Variants in SPATA13 observed in about 807,000 individuals in gnomAD.
SPATA13 encodes the protein spermatogenesis associated 13.
SPATA13 carries 50 observed loss-of-function variants against 104.0 expected under a neutral mutation model. That is an observed-to-expected ratio of 0.48 (90% CI 0.38 to 0.61). The LOEUF (loss-of-function observed/expected upper bound fraction) is 0.61. SPATA13 is among the 20% of genes least tolerant of loss of function. SPATA13 has a pLI of 0.00. For synonymous variants in SPATA13, 606 were observed against 667.5 expected, an observed-to-expected ratio of 0.91 and a Z score of 1.42; for missense variants, 1,524 against 1,690.6, an observed-to-expected ratio of 0.90 and a Z score of 1.73.
At chr13:24,100,012 C>T (rs374667373) in intron 3 of SPATA13, among the ~76,000 whole-genome samples, 6 of 152,098 alleles carry the variant, frequency 3.9e-5, no homozygotes, top group African/African-American at 1.4e-4. Context: ...CTGGTGTGGC[C>T]GGCACAGTTC....
rs1206706427 is a variant in SPATA13 at position 24,296,806 on chromosome 13, G to GA, written c.3211-547dup. Among the ~76,000 whole-genome samples, 172 of 146,134 alleles carry GA rather than the reference G, an allele frequency of 1.2e-3. 2 individuals are homozygous for GA. Among genetic ancestry groups the GA allele is most frequent in the African/African-American group, 3.9e-3 (157 of 39,824 alleles). ...ACTGTCACATTTTTCTAGTAAGCAG[G>GA]AAAAAAAAAAGAAAAGGAAGAAATT... On this transcript the variant is annotated intron_variant, in intron 10 of 12. Coordinates refer to ENST00000382108, the MANE Select transcript of SPATA13 (RefSeq NM_001166271.3).
intron 3 of SPATA13, among the ~76,000 whole-genome samples, chr13:24,092,570 G>C (rs1879943186): frequency 6.6e-6 from 1 of 152,136 alleles, no homozygotes; most frequent in Non-Finnish European, 1.5e-5. Context: ...AAACCTAAGA[G>C]TACTCAAAGG....
At chr13:24,152,039 C>T (rs942035783) in intron 3 of SPATA13, among the ~76,000 whole-genome samples, 1 of 152,174 alleles carries the variant, frequency 6.6e-6, no homozygotes, top group African/African-American at 2.4e-5. Context: ...CAGACACAGG[C>T]AGAGTGTGAT....
chr13:24,086,821 G>A (rs1224837519), intron 3 of SPATA13, among the ~76,000 whole-genome samples: 2 of 152,138 alleles, frequency 1.3e-5, no homozygotes, highest in East Asian at 3.9e-4. Flanking sequence ...CCTGGGTAGT[G>A]GCAGCAGCTG....
chr13:24,013,194 C>T (rs921273166), intron 2 of SPATA13, among the ~76,000 whole-genome samples: 4 of 152,222 alleles, frequency 2.6e-5, no homozygotes, highest in African/African-American at 4.8e-5. Context: ...TGTCTCCCCA[C>T]GCGTGCTGCA....
chr13:24,001,403 G>A (rs1875961646), intron 2 of SPATA13, among the ~76,000 whole-genome samples: 1 of 151,950 alleles, frequency 6.6e-6, no homozygotes, highest in Non-Finnish European at 1.5e-5. Context: ...TGAGAAGGAG[G>A]GTGTGAGAGA....
intron 2 of SPATA13, among the ~76,000 whole-genome samples, chr13:24,002,979 T>G (rs2137675318): frequency 6.6e-6 from 1 of 152,290 alleles, no homozygotes; most frequent in South Asian, 2.1e-4. Flanking sequence ...CAGAGAAAAT[T>G]GCCATCATTT....
chr13:24,040,723 G>C (rs1399897919), intron 3 of SPATA13, among the ~76,000 whole-genome samples: 1 of 152,292 alleles, frequency 6.6e-6, no homozygotes, highest in African/African-American at 2.4e-5. Context: ...AATTGAAAGG[G>C]GGAAAAGGGT....
At chr13:24,292,195 A>G (rs1158954555) in intron 9 of SPATA13, among the ~76,000 whole-genome samples, 1 of 152,252 alleles carries the variant, frequency 6.6e-6, no homozygotes, top group African/African-American at 2.4e-5. Flanking sequence ...GTGCATGCAC[A>G]GAAGCCTTTG....
chr13:24,151,583 G>A (rs1882100458), intron 3 of SPATA13, among the ~76,000 whole-genome samples: 1 of 152,168 alleles, frequency 6.6e-6, no homozygotes, highest in African/African-American at 2.4e-5. Context: ...TTCAAATTAT[G>A]AATAGATGTC....
At chr13:24,263,759 AC>A (rs1297550899) in intron 4 of SPATA13, among the ~76,000 whole-genome samples, 8 of 152,338 alleles carry the variant, frequency 5.3e-5, no homozygotes, top group Admixed American at 2.0e-4. Context: ...CAGATGTGTA[AC>A]CCACAGATAC....
chr13:24,007,557 A>G (rs896773436), intron 2 of SPATA13, among the ~76,000 whole-genome samples: 1 of 152,184 alleles, frequency 6.6e-6, no homozygotes, highest in Admixed American at 6.5e-5. Context: ...CCCAGGTTCA[A>G]GTAGTTCTCA....
intron 4 of SPATA13, among the ~76,000 whole-genome samples, chr13:24,278,992 C>CCCTCCCTTCCTT (rs1292136549): frequency 2.0e-4 from 18 of 88,796 alleles, no homozygotes; most frequent in African/African-American, 7.7e-4. Context: ...CTCCCTCCCT[C>CCCTCCCTTCCTT]CCTTCCTTCC....
intron 2 of SPATA13, among the ~76,000 whole-genome samples, chr13:24,228,115 T>TTC (rs1332564709): frequency 4.9e-5 from 4 of 81,850 alleles, no homozygotes; most frequent in African/African-American, 1.3e-4. Context: ...ACTCTTTTTT[T>TTC]TTTTTTTTTT....
chr13:24,278,564 T>C, intron 4 of SPATA13: 1 of 1,291,122 alleles, frequency 7.7e-7, no homozygotes, highest in Non-Finnish European at 1.0e-6. Flanking sequence ...AAGCATGAGC[T>C]ACCACGCCCA....
chr13:24,124,414 G>C (rs1881142727), intron 3 of SPATA13, among the ~76,000 whole-genome samples: 1 of 152,122 alleles, frequency 6.6e-6, no homozygotes, highest in Non-Finnish European at 1.5e-5. Flanking sequence ...AGCCCCGTCA[G>C]TGTCTAACAT....
intron 1 of SPATA13, among the ~76,000 whole-genome samples, chr13:24,179,529 T>G (rs1007659401): frequency 3.9e-5 from 6 of 152,236 alleles, no homozygotes; most frequent in Admixed American, 2.6e-4. Context: ...GTAAGTACAT[T>G]CATTGTTATG....
chr13:24,169,947 G>A (rs150068595), intron 1 of SPATA13, among the ~76,000 whole-genome samples: 32 of 152,204 alleles, frequency 2.1e-4, no homozygotes, highest in Admixed American at 6.5e-5. Context: ...GGAGGAGAAA[G>A]CAAGAACTCT....
At chr13:24,261,684 G>C (rs1334244705) in intron 4 of SPATA13, among the ~76,000 whole-genome samples, 1 of 152,138 alleles carries the variant, frequency 6.6e-6, no homozygotes, top group Non-Finnish European at 1.5e-5. Flanking sequence ...GGGCTTCCAG[G>C]TGTGAGAGTG....
Sources: allele counts gnomAD v4.1 joint callset (sites outside exome capture counted in the v4.1 genomes callset), GRCh38; gene constraint gnomAD v4.1.1; transcripts MANE v1.5; gene names NCBI Gene and HGNC (gene_info 2026-07-23, HGNC 2026-07-21).